The following DNAH12 variants were observed in gnomAD, a reference collection of about 807,000 sequenced individuals.
DNAH12 encodes the protein dynein axonemal heavy chain 12.
A neutral mutation model predicts 371.5 loss-of-function variants in DNAH12; 285 were observed. The observed-to-expected ratio is 0.77, with a 90% confidence interval of 0.70 to 0.85. DNAH12 has a LOEUF of 0.85. DNAH12 is among the 40% of genes least tolerant of loss of function. DNAH12 has a pLI of 0.00. For missense variants in DNAH12, 3,611 were observed against 3,689.4 expected (o/e 0.98, Z 0.55); for synonymous variants, 1,200 against 1,213.0 (o/e 0.99, Z 0.22).
chr3:57,407,472 A>G (rs1316737490), intron 40 of DNAH12, among the ~76,000 whole-genome samples: 2 of 152,180 alleles, frequency 1.3e-5, no homozygotes, highest in Non-Finnish European at 2.9e-5. Flanking sequence ...CTTTACTTGA[A>G]CAGCACACAC....
intron 2 of DNAH12, among the ~76,000 whole-genome samples, chr3:57,534,671 G>C (rs1436582433): frequency 6.6e-6 from 1 of 152,000 alleles, no homozygotes; most frequent in African/African-American, 2.4e-5. Context: ...ACCATGCCCG[G>C]CTAATTTTTG....
chr3:57,323,572 CT>C lies in DNAH12; in HGVS notation c.10025del (p.Lys3342SerfsTer3). 1.3e-6 allele frequency: 2 copies of C among 1,550,268 alleles called. No individual in the cohort carries two copies. The highest frequency in any genetic ancestry group is 2.0e-5 in the Admixed American group (1 of 50,610). On this transcript the variant is annotated frameshift_variant, in exon 63 of 74. Coordinates refer to ENST00000495027, the MANE Select transcript of DNAH12 (RefSeq NM_001366028.2). LOFTEE classifies it high-confidence loss of function. ...AATCAAATGGTGGAGGCTCTACAAA[CT>C]TTTTCCCTAGTTTGTCAGTTACATA... ...TNYVTDKLGK[K>X]FVEPPPFDLT... is the part of the protein sequence containing the mutation.
intron 1 of DNAH12, among the ~76,000 whole-genome samples, chr3:57,543,314 G>GGTTT (rs2069376738): frequency 1.2e-5 from 1 of 84,610 alleles, no homozygotes; most frequent in Non-Finnish European, 2.2e-5. Flanking sequence ...CATCATTAAT[G>GGTTT]GTTTTTTTTT....
At chr3:57,390,746 C>CCA (rs1235705219) in intron 45 of DNAH12, among the ~76,000 whole-genome samples, 1 of 149,464 alleles carries the variant, frequency 6.7e-6, no homozygotes, top group African/African-American at 2.4e-5. Flanking sequence ...TCATTTGCTT[C>CCA]CAGCATGACT....
intron 43 of DNAH12, chr3:57,402,262 T>C (rs2063894281): frequency 1.7e-6 from 1 of 591,830 alleles, no homozygotes; most frequent in Admixed American, 4.1e-5. Flanking sequence ...GTTGTAGAAA[T>C]TGTTTGTGAA....
At chr3:57,491,099 A>AAAAAAAAAAAAAAAAC (rs56259991) in intron 11 of DNAH12, among the ~76,000 whole-genome samples, 3 of 112,788 alleles carry the variant, frequency 2.7e-5, no homozygotes, top group Non-Finnish European at 3.4e-5. Context: ...AAAAAAAAAA[A>AAAAAAAAAAAAAAAAC]AACAACAAAT....
At position 57,354,090 on chromosome 3, in the gene DNAH12, T is replaced by TTCAC. The variant is rs1375837727; in HGVS notation, c.9534-1869_9534-1866dup. On this transcript the variant is annotated intron_variant, in intron 59 of 73. Transcript: ENST00000495027. ...TATGCGTATGTTCATCACAGTACTA[T>TTCAC]TCACAATAGCAAAGACATGGAATCA... Among the ~76,000 whole-genome samples, 677 of 152,264 alleles carry TTCAC rather than the reference T, an allele frequency of 4.4e-3. 7 individuals carry two copies. The highest frequency in any genetic ancestry group is 0.016 in the African/African-American group (658 of 41,556).
At chr3:57,490,782 T>C (rs115686060) in intron 11 of DNAH12, among the ~76,000 whole-genome samples, 3,655 of 152,198 alleles carry the variant, frequency 0.024, 67 homozygotes, top group Non-Finnish European at 0.034. Context: ...ACCTGCCTTG[T>C]TCTTGGTTGG....
In DNAH12 at chr3:57,406,367, A is replaced by AAAAAG. The variant is rs10663553; in HGVS notation, c.6277-420_6277-416dup. Among the ~76,000 whole-genome samples, 19 of 151,846 alleles carry AAAAAG rather than the reference A, an allele frequency of 1.3e-4. 1 individual carries two copies. Among genetic ancestry groups the AAAAAG allele is most frequent in the East Asian group, 5.8e-4 (3 of 5,176 alleles). ...GTGAGATTCTGCCTCAAAAAAAAAA[A>AAAAAG]AAAAGAAAAAAAAAGATTATACTGG... On this transcript the variant is annotated intron_variant, in intron 40 of 73. Transcript: ENST00000495027.
rs1275531974 is a variant in DNAH12, at chr3:57,375,416, G to A, written c.8714C>T (p.Thr2905Ile). The change falls in exon 55 of 74, where the codon ACA (threonine) becomes ATA (isoleucine). Residue 2905 changes from threonine (T) to isoleucine (I), a missense_variant. By Grantham distance (89) the Thr-to-Ile change is moderately conservative. This residue lies in a region of DNAH12 where 2,266 missense variants were observed against 2,236.9 expected (regional missense o/e 1.01). Transcript: ENST00000495027. ...AWNIAGLPTD[T>I]FSIDNGVIVN... The stretch of plus-strand genomic sequence containing the variant: ...GATCACTCCGTTATCTATGGAAAAT[G>A]TATCTGTTGGTAAACCAGCAATATT... The A allele has an allele frequency of 6.6e-6, 1 of 152,104 alleles. No homozygotes were observed. Among genetic ancestry groups the A allele is most frequent in the Non-Finnish European group, 1.5e-5 (1 of 67,986 alleles). 9.4% of individuals were successfully genotyped at this position (152,104 alleles called of 1,614,324 possible). A position where few individuals can be genotyped will look rare whatever the true frequency, so the allele number is the denominator to read the frequency against.
At chr3:57,323,431 T>C (rs2061856683) in intron 63 of DNAH12, 38 bp downstream of exon 63, 1 of 1,498,282 alleles carries the variant, frequency 6.7e-7, no homozygotes, top group South Asian at 1.4e-5. Context: ...AGATGTTTTA[T>C]TTATGATTTC....
chr3:57,555,511 T>C, the DNAH12 span, among the ~76,000 whole-genome samples: 3 of 152,156 alleles, frequency 2.0e-5, no homozygotes, highest in Non-Finnish European at 2.9e-5. Flanking sequence ...GCACTCCAGC[T>C]TGGGCGTCAA....
intron 25 of DNAH12, among the ~76,000 whole-genome samples, chr3:57,450,878 G>T (rs568696565): frequency 1.1e-3 from 171 of 152,346 alleles, no homozygotes; most frequent in African/African-American, 4.0e-3. Context: ...GTTGCAAATA[G>T]TTCACAGCTG....
Position 57,416,235 on chromosome 3 carries a change from C to A in DNAH12, c.5715-671G>T, listed in dbSNP as rs891993696. Among the ~76,000 whole-genome samples the A allele has an allele frequency of 2.6e-5, 4 of 152,078 alleles. No homozygotes were observed. In the South Asian group the frequency reaches 8.3e-4, roughly 32 times the overall value. ...AGTAGCTAGGACTACAGGTGGCATG[C>A]CACCACACCAGGCTAATTTTTTTAC... On this transcript the variant is annotated intron_variant, in intron 37 of 73. Transcript: ENST00000495027.
At chr3:57,403,596 ACT>A in intron 42 of DNAH12, 95 bp from the exon 43 acceptor site, 1 of 1,207,648 alleles carries the variant, frequency 8.3e-7, no homozygotes, top group Middle Eastern at 2.0e-4. Flanking sequence ...GAAGAATGTG[ACT>A]CTGCTGTCCC....
At chr3:57,478,152 T>C (rs973395581) in intron 13 of DNAH12, among the ~76,000 whole-genome samples, 1 of 152,040 alleles carries the variant, frequency 6.6e-6, no homozygotes, top group Non-Finnish European at 1.5e-5. Flanking sequence ...TTCGAACCCA[T>C]GGCAAAGAAG....
intron 66 of DNAH12, 103 bp downstream of exon 66, chr3:57,314,391 T>C: frequency 3.0e-6 from 4 of 1,355,736 alleles, no homozygotes; most frequent in East Asian, 2.5e-5. Context: ...TCTACCCACC[T>C]GTTAGTGTTG....
chr3:57,447,075 G>A (rs527677366), intron 25 of DNAH12, among the ~76,000 whole-genome samples: 6 of 152,312 alleles, frequency 3.9e-5, no homozygotes, highest in African/African-American at 1.4e-4. Context: ...GAAAGTGAGA[G>A]CTATAAATGG....
At chr3:57,433,975 T>C in intron 30 of DNAH12, 147 bp from the exon 31 acceptor site, 1 of 669,156 alleles carries the variant, frequency 1.5e-6, no homozygotes, top group Non-Finnish European at 2.2e-6. Context: ...GAAAACATAT[T>C]TAATTTCTGA....
Sources: allele counts gnomAD v4.1 joint callset (sites outside exome capture counted in the v4.1 genomes callset), GRCh38; gene constraint gnomAD v4.1.1; regional missense constraint gnomAD v4.1.1; transcripts MANE v1.5; gene names NCBI Gene and HGNC (gene_info 2026-07-23, HGNC 2026-07-21).